Variants in HGF observed in about 807,000 individuals in gnomAD.
The protein encoded by HGF is hepatocyte growth factor, also known as fibroblast-derived tumor cytotoxic factor.
HGF carries 39 observed loss-of-function variants against 111.6 expected under a neutral mutation model. The ratio of observed to expected loss-of-function variants is 0.35; its 90% confidence interval spans 0.27 to 0.46. The LOEUF is 0.46. Among genes scored for constraint, HGF ranks in the 20% least tolerant of loss-of-function variants. HGF has a pLI of 1.00. For synonymous variants in HGF, 285 were observed against 294.8 expected (o/e 0.97, Z 0.34); for missense variants, 735 against 910.5 (o/e 0.81, Z 2.48).
At chr7:81,744,781 T>C (rs895180648) in intron 6 of HGF, among the ~76,000 whole-genome samples, 1 of 152,198 alleles carries the variant, frequency 6.6e-6, no homozygotes, top group Non-Finnish European at 1.5e-5. Context: ...TGTTCTCATG[T>C]ACCTCATCAT....
At chr7:81,759,885 A>G (rs1788977724) in intron 2 of HGF, among the ~76,000 whole-genome samples, 1 of 152,210 alleles carries the variant, frequency 6.6e-6, no homozygotes, top group Non-Finnish European at 1.5e-5. Context: ...GCTAAGTATT[A>G]TATTGGTTTT....
chr7:81,706,406 A>G lies in HGF; in HGVS notation c.1638T>C (p.Ala546=). Residue 546 remains alanine, a synonymous_variant, in exon 15 of 18, where the codon GCT becomes GCC. Transcript: ENST00000222390. ...CGTGGACATCATGAATTCCAAGCCA[A>G]GCTTCATAATCTTTCAAGTCTCTGT... ...FPSRDLKDYE[A]WLGIHDVHGR... 6.2e-7 allele frequency: 1 copy of G among 1,612,456 alleles called. No homozygotes were observed. The highest frequency in any genetic ancestry group is 8.5e-7 in the Non-Finnish European group (1 of 1,178,760).
rs535684591 is a variant in HGF at position 81,711,739 on chromosome 7, G to A, written c.1406-220C>T. Among the ~76,000 whole-genome samples, 39 of 152,194 alleles carry A rather than the reference G, an allele frequency of 2.6e-4. No individual in the cohort carries two copies. In the South Asian group the frequency reaches 8.1e-3, roughly 32 times the overall value. On this transcript the variant is annotated intron_variant, in intron 11 of 17. Coordinates refer to ENST00000222390, the MANE Select transcript of HGF (RefSeq NM_000601.6). ...GCTCACTGCAACCTCCCCCTCTCAG[G>A]TTCAAGCGATTCTCCTGACTCAGCC... is the stretch of plus-strand genomic sequence containing the variant.
At chr7:81,755,330 G>T (rs916109642) in intron 4 of HGF, 1 of 152,020 alleles carries the variant, frequency 6.6e-6, no homozygotes, top group Non-Finnish European at 1.5e-5. Context: ...ACACTTAAAA[G>T]TGTTAAACCA....
At chr7:81,738,420 C>T (rs181782141) in intron 7 of HGF, among the ~76,000 whole-genome samples, 2 of 152,188 alleles carry the variant, frequency 1.3e-5, no homozygotes, top group African/African-American at 2.4e-5. Flanking sequence ...TCTTAAAATT[C>T]CATGTGCCCA....
At chr7:81,728,000 T>C (rs187724391) in intron 8 of HGF, among the ~76,000 whole-genome samples, 43 of 152,310 alleles carry the variant, frequency 2.8e-4, no homozygotes, top group Middle Eastern at 6.8e-3. Context: ...CAGGCAGTGT[T>C]GTTCAGTTAC....
chr7:81,721,115 T>G (rs372137304), intron 9 of HGF, among the ~76,000 whole-genome samples: 2 of 152,004 alleles, frequency 1.3e-5, no homozygotes, highest in Admixed American at 6.6e-5. Flanking sequence ...GGCGTGGTGG[T>G]GGGCGCCTGT....
intron 2 of HGF, among the ~76,000 whole-genome samples, chr7:81,759,543 C>T (rs965714188): frequency 3.3e-5 from 5 of 152,098 alleles, no homozygotes; most frequent in African/African-American, 7.2e-5. Context: ...CTCACACTGT[C>T]GCCCAGGCTG....
intron 7 of HGF, among the ~76,000 whole-genome samples, chr7:81,739,937 T>G (rs941346444): frequency 6.6e-6 from 1 of 152,116 alleles, no homozygotes; most frequent in African/African-American, 2.4e-5. Flanking sequence ...TTAATTTTTC[T>G]CAACTTCTTT....
chr7:81,706,897 A>T (rs1327689026), intron 14 of HGF, among the ~76,000 whole-genome samples: 1 of 151,974 alleles, frequency 6.6e-6, no homozygotes, highest in Non-Finnish European at 1.5e-5. Flanking sequence ...ATTGAAAATT[A>T]TGCCCAGGAT....
rs368633795 is a variant in HGF, at chr7:81,758,762, G to A, written c.297C>T (p.Phe99=). 4.3e-6 allele frequency: 7 copies of A among 1,612,906 alleles called. No individual in the cohort carries two copies. In the African/African-American group the frequency reaches 9.4e-5, roughly 22 times the overall value. The change falls in exon 3 of 18, where the codon TTC becomes TTT. Residue 99 remains phenylalanine (F), a synonymous_variant. Transcript: ENST00000222390. The stretch of plus-strand genomic sequence containing the variant: ...CTCCACTTGACATGCTATTGAAGGG[G>A]AACCAGAGGCATTGTTTTCTTGCTT... ...FDKARKQCLW[F]PFNSMSSGVK...
intron 1 of HGF, among the ~76,000 whole-genome samples, chr7:81,765,579 C>T (rs551200290): frequency 6.6e-6 from 1 of 152,110 alleles, no homozygotes; most frequent in South Asian, 2.1e-4. Flanking sequence ...AGAAACTTTC[C>T]CTTTTAATTA....
intron 6 of HGF, among the ~76,000 whole-genome samples, chr7:81,744,450 T>C (rs1379664103): frequency 6.6e-6 from 1 of 152,144 alleles, no homozygotes; most frequent in Non-Finnish European, 1.5e-5. Flanking sequence ...GCAACCTGAA[T>C]GGTTTGCTCT....
chr7:81,742,597 C>A, intron 7 of HGF: 1 of 645,324 alleles, frequency 1.5e-6, no homozygotes, highest in East Asian at 7.4e-5. Context: ...GAAATGAAAA[C>A]ATTATGTAAT....
At chr7:81,739,110 A>G (rs893888260) in intron 7 of HGF, among the ~76,000 whole-genome samples, 10 of 152,116 alleles carry the variant, frequency 6.6e-5, no homozygotes, top group African/African-American at 2.2e-4. Flanking sequence ...CCTCTCTTAT[A>G]TATATGTCAT....
intron 6 of HGF, 142 bp from the exon 7 acceptor site, chr7:81,743,613 A>G: frequency 1.4e-6 from 1 of 725,052 alleles, no homozygotes; most frequent in Non-Finnish European, 2.5e-6. Context: ...CCTTACGAGG[A>G]CTGCTGATCA....
At chr7:81,704,037 G>T (rs1015425128) in intron 17 of HGF, among the ~76,000 whole-genome samples, 1 of 151,800 alleles carries the variant, frequency 6.6e-6, no homozygotes, top group Non-Finnish European at 1.5e-5. Flanking sequence ...ACATTTGGGA[G>T]ATATCTCCTT....
At chr7:81,710,622 A>C (rs1789548456) in intron 12 of HGF, among the ~76,000 whole-genome samples, 1 of 152,200 alleles carries the variant, frequency 6.6e-6, no homozygotes, top group Non-Finnish European at 1.5e-5. Context: ...AGAAATCAAT[A>C]GATTCAGTGA....
rs1400464163 is a variant in HGF at position 81,750,737 on chromosome 7, G to A, written c.625+1383C>T. On this transcript the variant is annotated intron_variant, in intron 5 of 17. Transcript: ENST00000222390. Reference sequence around the variant, plus strand: ...CCAAGGTACCGGCCTTTGAAAACACGTTTTCAGGTCAAACAAAACCCCTTG... The same window carrying A: ...CCAAGGTACCGGCCTTTGAAAACACATTTTCAGGTCAAACAAAACCCCTTG... Among the ~76,000 whole-genome samples the A allele has an allele frequency of 7.2e-5, 11 of 152,092 alleles. No homozygotes were observed. The South Asian group carries it at 8.3e-4, about 11-fold the overall frequency.
Sources: gnomAD v4.1 joint callset for allele counts (sites outside exome capture counted in the v4.1 genomes callset) on GRCh38, gnomAD v4.1.1 for gene constraint, MANE v1.5 for transcripts, NCBI Gene and HGNC (gene_info 2026-07-23, HGNC 2026-07-21) for gene names.